Variants in CDH4 observed in about 807,000 individuals in gnomAD.
The protein encoded by CDH4 is cadherin 4.
CDH4 carries 33 observed loss-of-function variants against 86.0 expected under a neutral mutation model. The ratio of observed to expected loss-of-function variants is 0.38; its 90% CI spans 0.29 to 0.51. The LOEUF (loss-of-function observed/expected upper bound fraction) is 0.51. Among genes scored for constraint, CDH4 ranks in the 20% least tolerant of loss-of-function variants. The pLI is 0.86. For missense variants in CDH4, 1,114 were observed against 1,307.4 expected, an observed-to-expected ratio of 0.85 and a Z score of 2.28; for synonymous variants, 555 against 549.4, an observed-to-expected ratio of 1.01 and a Z score of -0.14.
intron 2 of CDH4, among the ~76,000 whole-genome samples, chr20:61,338,290 AG>A (rs1568804203): frequency 2.6e-5 from 4 of 152,140 alleles, no homozygotes; most frequent in Non-Finnish European, 5.9e-5. Flanking sequence ...AAAATTGAAG[AG>A]AAAAAAAAAT....
chr20:61,543,403 G>A (rs2086054754), intron 2 of CDH4, among the ~76,000 whole-genome samples: 1 of 152,232 alleles, frequency 6.6e-6, no homozygotes, highest in African/African-American at 2.4e-5. Context: ...CCGTGACTTA[G>A]AAAAGTGACA....
At chr20:61,595,301 G>A (rs2086548612) in intron 2 of CDH4, among the ~76,000 whole-genome samples, 1 of 152,258 alleles carries the variant, frequency 6.6e-6, no homozygotes, top group African/African-American at 2.4e-5. Flanking sequence ...TGGGCAGATG[G>A]GGCCTGCCCT....
chr20:61,848,553 T>G lies in CDH4; in HGVS notation c.732+3730T>G, dbSNP rs546577709. Among the ~76,000 whole-genome samples, 9 of 152,114 alleles carry G rather than the reference T, an allele frequency of 5.9e-5. 1 individual carries two copies. The highest frequency in any genetic ancestry group is 1.9e-4 in the African/African-American group (8 of 41,496). ...TTGTATTGTATTTTTTGAGACAGAG[T>G]CTGACTTCGTCAGCCAGGCTGGAGT... On this transcript the variant is annotated intron_variant, in intron 5 of 15. Transcript: ENST00000614565.
chr20:61,909,633 A>G (rs927897532), intron 8 of CDH4, among the ~76,000 whole-genome samples: 2 of 151,994 alleles, frequency 1.3e-5, no homozygotes, highest in Non-Finnish European at 1.5e-5. Context: ...CCCATCTCCC[A>G]CGGCCTCCCC....
At chr20:61,424,691 C>T (rs2085201814) in intron 2 of CDH4, among the ~76,000 whole-genome samples, 1 of 152,230 alleles carries the variant, frequency 6.6e-6, no homozygotes, top group Non-Finnish European at 1.5e-5. Context: ...TCATCACCCT[C>T]CAGATTTCAG....
chr20:61,789,444 C>T (rs1269351077), intron 4 of CDH4, among the ~76,000 whole-genome samples: 3 of 152,166 alleles, frequency 2.0e-5, no homozygotes, highest in Non-Finnish European at 4.4e-5. Context: ...GGGGCGGTGC[C>T]TGGGCTGGCA....
intron 2 of CDH4, among the ~76,000 whole-genome samples, chr20:61,337,009 C>T (rs1209198295): frequency 1.3e-5 from 2 of 152,130 alleles, no homozygotes; most frequent in African/African-American, 2.4e-5. Flanking sequence ...TGTGTCATAG[C>T]TCCCTCTCAC....
intron 2 of CDH4, among the ~76,000 whole-genome samples, chr20:61,342,373 C>G (rs1210593712): frequency 6.6e-6 from 1 of 152,202 alleles, no homozygotes; most frequent in African/African-American, 2.4e-5. Context: ...TTCCTGCAAC[C>G]AAACAGTCCC....
chr20:61,278,206 C>A (rs2084240783), intron 2 of CDH4, among the ~76,000 whole-genome samples: 1 of 152,182 alleles, frequency 6.6e-6, no homozygotes, highest in Non-Finnish European at 1.5e-5. Context: ...AACTCCATTG[C>A]CTGTATCATT....
chr20:61,486,456 G>A (rs1466062085), intron 2 of CDH4, among the ~76,000 whole-genome samples: 1 of 152,254 alleles, frequency 6.6e-6, no homozygotes, highest in East Asian at 1.9e-4. Flanking sequence ...CAGGCTGCAG[G>A]AGGACAAGAC....
Position 61,633,743 on chromosome 20 carries a change from C to T in CDH4, c.170-109820C>T, listed in dbSNP as rs75973249. On this transcript the variant is annotated intron_variant, in intron 2 of 15. Transcript: ENST00000614565. ...CTGCCTCTTGGGGTTTTGGGGAGAA[C>T]TGACGAGACCGTCAATGTGATGCCC... Among the ~76,000 whole-genome samples, 338 of 152,342 alleles carry T rather than the reference C, an allele frequency of 2.2e-3. 2 individuals are homozygous for T. The highest frequency in any genetic ancestry group is 7.6e-3 in the African/African-American group (315 of 41,578).
chr20:61,467,746 A>G (rs2085480990), intron 2 of CDH4, among the ~76,000 whole-genome samples: 1 of 152,204 alleles, frequency 6.6e-6, no homozygotes, highest in Non-Finnish European at 1.5e-5. Flanking sequence ...GTGGAGGTGG[A>G]CAACTACAAA....
intron 2 of CDH4, among the ~76,000 whole-genome samples, chr20:61,577,623 T>TG (rs886496400): frequency 6.6e-6 from 1 of 152,122 alleles, no homozygotes. Context: ...CTGGGTTCTC[T>TG]GGGGTCCCAG....
chr20:61,287,322 A>G (rs563061004), intron 2 of CDH4, among the ~76,000 whole-genome samples: 25 of 152,118 alleles, frequency 1.6e-4, no homozygotes, highest in African/African-American at 5.5e-4. Flanking sequence ...CACTAATATA[A>G]AACATAGCTG....
chr20:61,859,185 T>G (rs147930571), intron 6 of CDH4, among the ~76,000 whole-genome samples: 220 of 151,960 alleles, frequency 1.4e-3, no homozygotes, highest in African/African-American at 5.1e-3. Flanking sequence ...CTGTGTTTAT[T>G]GGCATCTGCG....
intron 2 of CDH4, among the ~76,000 whole-genome samples, chr20:61,525,851 G>T: frequency 6.6e-6 from 1 of 152,068 alleles, no homozygotes; most frequent in South Asian, 2.1e-4. Context: ...GGCCGGGCCG[G>T]GCACCGTAAG....
intron 2 of CDH4, among the ~76,000 whole-genome samples, chr20:61,260,932 C>G (rs1054584000): frequency 3.9e-5 from 6 of 152,220 alleles, no homozygotes; most frequent in Non-Finnish European, 8.8e-5. Context: ...GCACAGAAAG[C>G]GCTGCATGGT....
At chr20:61,862,940 GTTTA>G (rs769543433) in intron 6 of CDH4, among the ~76,000 whole-genome samples, 19 of 152,086 alleles carry the variant, frequency 1.2e-4, no homozygotes, top group African/African-American at 2.4e-4. Flanking sequence ...AGTGGGCCCC[GTTTA>G]TTTATTTATT....
chr20:61,334,698 G>T (rs2084607942), intron 2 of CDH4, among the ~76,000 whole-genome samples: 1 of 152,200 alleles, frequency 6.6e-6, no homozygotes, highest in Non-Finnish European at 1.5e-5. Flanking sequence ...TCAACATATG[G>T]ATTTGGGGGT....
Sources: allele counts gnomAD v4.1 joint callset (sites outside exome capture counted in the v4.1 genomes callset), GRCh38; gene constraint gnomAD v4.1.1; transcripts MANE v1.5; gene names NCBI Gene and HGNC (gene_info 2026-07-23, HGNC 2026-07-21).